KCNMB2: variants seen among roughly 807,000 people sequenced by gnomAD.
KCNMB2 encodes calcium-activated potassium channel subunit beta-2.
KCNMB2 carries 9 observed loss-of-function variants against 24.5 expected under a neutral mutation model. The ratio of observed to expected loss-of-function variants is 0.37; its 90% CI spans 0.22 to 0.64. KCNMB2 has a LOEUF of 0.64. Ranked by LOEUF, KCNMB2 falls within the 30% of genes least tolerant of loss-of-function variation. KCNMB2 has a pLI of 0.63. For synonymous variants in KCNMB2, 109 were observed against 104.4 expected, an observed-to-expected ratio of 1.04 and a Z score of -0.27; for missense variants, 226 against 284.3, an observed-to-expected ratio of 0.79 and a Z score of 1.47.
intron 1 of KCNMB2, among the ~76,000 whole-genome samples, chr3:178,674,861 A>T (rs1436118876): frequency 6.6e-6 from 1 of 152,180 alleles, no homozygotes; most frequent in Non-Finnish European, 1.5e-5. Context: ...GCTGGAACAA[A>T]CTGGACATTG....
intron 1 of KCNMB2, among the ~76,000 whole-genome samples, chr3:178,611,412 A>G (rs1233489634): frequency 3.3e-5 from 5 of 152,120 alleles, no homozygotes; most frequent in African/African-American, 1.2e-4. Context: ...AACTTTTCAA[A>G]AAAAACCCCA....
intron 1 of KCNMB2, among the ~76,000 whole-genome samples, chr3:178,623,847 G>A (rs1199757632): frequency 1.3e-5 from 2 of 152,068 alleles, no homozygotes; most frequent in Non-Finnish European, 2.9e-5. Context: ...TGATGTCAGG[G>A]GTAAGCCTCA....
At chr3:178,568,789 A>AGAT (rs1716630065) in intron 1 of KCNMB2, among the ~76,000 whole-genome samples, 1 of 85,544 alleles carries the variant, frequency 1.2e-5, no homozygotes, top group South Asian at 4.0e-4. Context: ...ATAGATAGAT[A>AGAT]GATAGATAGA....
At chr3:178,635,408 TACACACACACACAC>T (rs58294929) in intron 1 of KCNMB2, among the ~76,000 whole-genome samples, 12 of 144,962 alleles carry the variant, frequency 8.3e-5, no homozygotes, top group African/African-American at 2.8e-4. Flanking sequence ...TGCTTATGCA[TACACACACACACAC>T]ACACACACAC....
chr3:178,540,890 G>C (rs1041732782), intron 1 of KCNMB2, among the ~76,000 whole-genome samples: 3 of 152,110 alleles, frequency 2.0e-5, no homozygotes, highest in Non-Finnish European at 4.4e-5. Context: ...ATGAAAGCAG[G>C]AATTTTTATT....
chr3:178,828,323 G>A lies in KCNMB2; in HGVS notation c.373G>A (p.Glu125Lys), dbSNP rs750779813. ...GTACGTTAACCTGACTTCTTCCGGG[G>A]AAAAGCTCCTCCTCTACCACACAGA... Reference protein sequence around the residue: ...QVYVNLTSSGEKLLLYHTEET... With the variant: ...QVYVNLTSSGKKLLLYHTEET... The change falls in exon 4 of 5, where the codon GAA becomes AAA. Residue 125 changes from glutamate to lysine, a missense_variant. Transcript: ENST00000452583. 3 of 1,613,950 alleles carry A rather than the reference G, an allele frequency of 1.9e-6. No homozygotes were observed. Among genetic ancestry groups the A allele is most frequent in the South Asian group, 2.2e-5 (2 of 91,056 alleles).
chr3:178,609,995 G>T (rs73054345), intron 1 of KCNMB2, among the ~76,000 whole-genome samples: 120 of 152,204 alleles, frequency 7.9e-4, no homozygotes, highest in African/African-American at 2.7e-3. Context: ...TTCTGCATGT[G>T]AATATCCAGT....
intron 1 of KCNMB2, among the ~76,000 whole-genome samples, chr3:178,732,472 G>A (rs969439467): frequency 1.3e-5 from 2 of 152,128 alleles, no homozygotes; most frequent in Non-Finnish European, 2.9e-5. Context: ...CTCTCATACT[G>A]TAAAGTATAC....
intron 1 of KCNMB2, among the ~76,000 whole-genome samples, chr3:178,767,470 T>C (rs934509939): frequency 6.6e-6 from 1 of 152,220 alleles, no homozygotes; most frequent in Non-Finnish European, 1.5e-5. Context: ...AGATTTCAAC[T>C]TTATGATATT....
chr3:178,638,875 T>G (rs556117503), intron 1 of KCNMB2, among the ~76,000 whole-genome samples: 1 of 152,308 alleles, frequency 6.6e-6, no homozygotes, highest in East Asian at 1.9e-4. Context: ...ATCATTTCCT[T>G]ATGGATATCC....
chr3:178,781,843 G>C (rs1360602997), intron 1 of KCNMB2, among the ~76,000 whole-genome samples: 1 of 149,842 alleles, frequency 6.7e-6, no homozygotes, highest in Non-Finnish European at 1.5e-5. Flanking sequence ...ACATAGTGCA[G>C]GTTAGTTACA....
At chr3:178,670,987 C>T (rs1456362982) in intron 1 of KCNMB2, among the ~76,000 whole-genome samples, 1 of 152,098 alleles carries the variant, frequency 6.6e-6, no homozygotes, top group African/African-American at 2.4e-5. Flanking sequence ...GAGCAAGTAA[C>T]AGGTGACAAT....
chr3:178,784,789 CT>C (rs1303118747), intron 1 of KCNMB2, among the ~76,000 whole-genome samples: 3 of 148,794 alleles, frequency 2.0e-5, no homozygotes, highest in Non-Finnish European at 4.4e-5. Flanking sequence ...ATACATTTTC[CT>C]TTATCTGCTT....
At chr3:178,799,144 A>G (rs939673358) in intron 1 of KCNMB2, among the ~76,000 whole-genome samples, 1 of 152,156 alleles carries the variant, frequency 6.6e-6, no homozygotes, top group Non-Finnish European at 1.5e-5. Context: ...TACTTTCACC[A>G]CTGTTATTCA....
At chr3:178,658,450 T>C (rs1235492551) in intron 1 of KCNMB2, among the ~76,000 whole-genome samples, 1 of 152,200 alleles carries the variant, frequency 6.6e-6, no homozygotes, top group Non-Finnish European at 1.5e-5. Context: ...TCCTCCCTTT[T>C]CTCTAGCACC....
chr3:178,564,568 G>A (rs1032624255), intron 1 of KCNMB2, among the ~76,000 whole-genome samples: 3 of 152,176 alleles, frequency 2.0e-5, no homozygotes, highest in Admixed American at 1.3e-4. Flanking sequence ...CCCACTTCTA[G>A]CAGGCACAGT....
At chr3:178,652,664 C>CT (rs3052276) in intron 1 of KCNMB2, among the ~76,000 whole-genome samples, 48,159 of 136,838 alleles carry the variant, frequency 0.35, 9,281 homozygotes, top group African/African-American at 0.49. Flanking sequence ...TCTCTATATA[C>CT]TTTTTTTTTT....
intron 1 of KCNMB2, among the ~76,000 whole-genome samples, chr3:178,732,671 C>A (rs902473724): frequency 2.6e-5 from 4 of 152,070 alleles, no homozygotes; most frequent in African/African-American, 9.7e-5. Context: ...AATGATGTTG[C>A]CCTGAGTGCA....
chr3:178,593,112 G>A (rs926075286), intron 1 of KCNMB2, among the ~76,000 whole-genome samples: 3 of 151,896 alleles, frequency 2.0e-5, no homozygotes, highest in Non-Finnish European at 2.9e-5. Context: ...TGCCATTCTC[G>A]AGTTTTAAGT....
Sources: gnomAD v4.1 joint callset for allele counts (sites outside exome capture counted in the v4.1 genomes callset) on GRCh38, gnomAD v4.1.1 for gene constraint, MANE v1.5 for transcripts, NCBI Gene and HGNC (gene_info 2026-07-23, HGNC 2026-07-21) for gene names.